SPMAP2L: variants seen among roughly 807,000 people sequenced by gnomAD.
The protein encoded by SPMAP2L is sperm microtubule associated protein 2 like.
the SPMAP2L span, among the ~76,000 whole-genome samples, chr4:56,557,267 AAAAAGAAAAG>A: frequency 1.3e-5 from 2 of 150,004 alleles, no homozygotes; most frequent in East Asian, 3.9e-4. Context: ...CAAAAAAAAA[AAAAAGAAAAG>A]AAAAGAAAAG....
the SPMAP2L span, chr4:56,601,034 A>G: frequency 3.9e-6 from 6 of 1,535,394 alleles, no homozygotes; most frequent in South Asian, 3.6e-5. Flanking sequence ...CGTGATGCCC[A>G]TTGGCCAGTA....
At chr4:56,586,647 T>C in the SPMAP2L span, among the ~76,000 whole-genome samples, 1 of 152,228 alleles carries the variant, frequency 6.6e-6, no homozygotes, top group Admixed American at 6.5e-5. Context: ...TCATATGGTC[T>C]CTCCATGTGG....
At chr4:56,559,582 T>C in the SPMAP2L span, 2 of 1,410,296 alleles carry the variant, frequency 1.4e-6, no homozygotes, top group South Asian at 1.5e-5. Context: ...GTTTTTTGCT[T>C]TTTGAGACAG....
At chr4:56,530,688 A>G in the SPMAP2L span, 215 of 1,534,504 alleles carry the variant, frequency 1.4e-4, no homozygotes, top group Non-Finnish European at 1.7e-4. Context: ...TGGAGAACCA[A>G]GAGTTTCTAA....
the SPMAP2L span, chr4:56,548,912 C>T: frequency 1.2e-6 from 1 of 861,452 alleles, no homozygotes; most frequent in Non-Finnish European, 1.6e-6. Flanking sequence ...CGTGGGTCTA[C>T]CTTGGGGTTT....
At chr4:56,585,661 C>T in the SPMAP2L span, among the ~76,000 whole-genome samples, 1 of 152,096 alleles carries the variant, frequency 6.6e-6, no homozygotes, top group African/African-American at 2.4e-5. Context: ...AATTTAAAGG[C>T]CTGAACTTAC....
At chr4:56,548,030 A>G in the SPMAP2L span, among the ~76,000 whole-genome samples, 2 of 152,208 alleles carry the variant, frequency 1.3e-5, no homozygotes, top group East Asian at 1.9e-4. Flanking sequence ...GGACTAAGAC[A>G]TGTAAACATT....
the SPMAP2L span, among the ~76,000 whole-genome samples, chr4:56,558,311 C>A: frequency 2.6e-5 from 4 of 152,106 alleles, no homozygotes; most frequent in Admixed American, 2.6e-4. Context: ...CTGTTTCTCA[C>A]CCCACTGGTC....
At chr4:56,530,661 G>A in the SPMAP2L span, 49 of 1,530,710 alleles carry the variant, frequency 3.2e-5, no homozygotes, top group Non-Finnish European at 4.3e-5. Context: ...GCGCGCGACA[G>A]AAGCTTCTGG....
the SPMAP2L span, among the ~76,000 whole-genome samples, chr4:56,611,712 C>T: frequency 1.3e-5 from 2 of 152,178 alleles, no homozygotes; most frequent in African/African-American, 4.8e-5. Flanking sequence ...GCCTCTGCAA[C>T]AATCATGCCA....
At chr4:56,567,442 GTTTTTTT>G in the SPMAP2L span, among the ~76,000 whole-genome samples, 29 of 65,576 alleles carry the variant, frequency 4.4e-4, no homozygotes, top group African/African-American at 1.5e-3. Flanking sequence ...AATTTTGGTG[GTTTTTTT>G]TTTTTTTTTT....
chr4:56,618,317 T>G, the SPMAP2L span, among the ~76,000 whole-genome samples: 1 of 152,222 alleles, frequency 6.6e-6, no homozygotes, highest in Non-Finnish European at 1.5e-5. Context: ...GAAAATACAT[T>G]GCCAGGAGGC....
chr4:56,536,446 T>C, the SPMAP2L span, among the ~76,000 whole-genome samples: 1 of 152,234 alleles, frequency 6.6e-6, no homozygotes, highest in African/African-American at 2.4e-5. Flanking sequence ...CTGCTCATTT[T>C]CTTTGAGACA....
chr4:56,587,913 G>A, the SPMAP2L span, among the ~76,000 whole-genome samples: 1 of 152,168 alleles, frequency 6.6e-6, no homozygotes, highest in African/African-American at 2.4e-5. Flanking sequence ...CACAGTGGCT[G>A]TACTAGTTTA....
chr4:56,576,345 GT>G, the SPMAP2L span, among the ~76,000 whole-genome samples: 4 of 152,212 alleles, frequency 2.6e-5, no homozygotes, highest in Non-Finnish European at 5.9e-5. Flanking sequence ...GGTGACAGCT[GT>G]GTTAAAATAT....
chr4:56,595,401 G>T, the SPMAP2L span: 12 of 1,604,826 alleles, frequency 7.5e-6, no homozygotes, highest in South Asian at 1.2e-4. Context: ...ACAAGGCAGA[G>T]CTGGACAGAT....
At chr4:56,558,031 C>T in the SPMAP2L span, among the ~76,000 whole-genome samples, 2 of 151,666 alleles carry the variant, frequency 1.3e-5, no homozygotes, top group Non-Finnish European at 2.9e-5. Context: ...TGCAGTAGTA[C>T]GTTCTTGGCT....
chr4:56,577,668 G>A, the SPMAP2L span, among the ~76,000 whole-genome samples: 5 of 152,140 alleles, frequency 3.3e-5, no homozygotes, highest in Admixed American at 1.3e-4. Context: ...GTTATCCTTC[G>A]TAACTGAAGC....
chr4:56,610,914 A>G, the SPMAP2L span, among the ~76,000 whole-genome samples: 1 of 152,244 alleles, frequency 6.6e-6, no homozygotes, highest in Non-Finnish European at 1.5e-5. Flanking sequence ...TACTCCTGAA[A>G]GGATGGCCAT....
Sources: allele counts gnomAD v4.1 joint callset (sites outside exome capture counted in the v4.1 genomes callset), GRCh38; gene constraint gnomAD v4.1.1; transcripts MANE v1.5; gene names NCBI Gene and HGNC (gene_info 2026-07-23, HGNC 2026-07-21).